CLIP2: variants seen among roughly 807,000 people sequenced by gnomAD.
CLIP2 encodes the protein CAP-Gly domain containing linker protein 2.
In CLIP2, 41 loss-of-function variants were observed where a neutral mutation model predicts 111.7. The observed-to-expected ratio is 0.37, with a 90% confidence interval of 0.29 to 0.48. The LOEUF is 0.48. Among genes scored for constraint, CLIP2 ranks in the 20% least tolerant of loss-of-function variants. The pLI is 0.99. For synonymous variants in CLIP2, 660 were observed against 644.2 expected (o/e 1.02, Z -0.37); for missense variants, 1,160 against 1,422.1 (o/e 0.82, Z 2.96).
At chr7:74,390,321 T>C (rs1791262672) in intron 13 of CLIP2, among the ~76,000 whole-genome samples, 1 of 152,140 alleles carries the variant, frequency 6.6e-6, no homozygotes, top group Admixed American at 6.6e-5. Flanking sequence ...GTTTATTCTA[T>C]ATTTACCATA....
intron 2 of CLIP2, among the ~76,000 whole-genome samples, chr7:74,326,870 T>C (rs1440367245): frequency 6.6e-6 from 1 of 151,820 alleles, no homozygotes; most frequent in African/African-American, 2.4e-5. Context: ...ACTCCTGACC[T>C]CGTGATCCGC....
intron 1 of CLIP2, among the ~76,000 whole-genome samples, chr7:74,304,594 C>A (rs1554727441): frequency 6.7e-6 from 1 of 148,824 alleles, no homozygotes; most frequent in East Asian, 2.0e-4. Flanking sequence ...GTTAGATATT[C>A]AAAGGAGTAG....
intron 8 of CLIP2, among the ~76,000 whole-genome samples, chr7:74,365,732 C>A (rs1790458875): frequency 6.6e-6 from 1 of 152,076 alleles, no homozygotes; most frequent in Admixed American, 6.6e-5. Context: ...TGACCAAAGT[C>A]CCACTCATCC....
chr7:74,307,224 G>A (rs782721252), intron 1 of CLIP2, among the ~76,000 whole-genome samples: 1 of 152,166 alleles, frequency 6.6e-6, no homozygotes. Flanking sequence ...GGTTTCCTTT[G>A]TGAGCCGTGG....
At chr7:74,371,468 G>C (rs1389641343) in intron 8 of CLIP2, among the ~76,000 whole-genome samples, 1 of 148,666 alleles carries the variant, frequency 6.7e-6, no homozygotes, top group Non-Finnish European at 1.5e-5. Flanking sequence ...TTCTGGAAGA[G>C]ACATGCTGAC....
intron 2 of CLIP2, among the ~76,000 whole-genome samples, chr7:74,336,289 A>G (rs1054887524): frequency 2.6e-5 from 4 of 151,722 alleles, no homozygotes; most frequent in Non-Finnish European, 4.4e-5. Flanking sequence ...GCTGGTCTCG[A>G]ACTCCTGACC....
At position 74,387,270 on chromosome 7, in the gene CLIP2, A is replaced by G. The variant is rs548534631; in HGVS notation, c.2563+666A>G. Among the ~76,000 whole-genome samples the G allele has an allele frequency of 1.1e-4, 17 of 151,962 alleles. No homozygotes were observed. In the East Asian group the frequency reaches 3.1e-3, roughly 28 times the overall value. On this transcript the variant is annotated intron_variant, in intron 12 of 16. Transcript: ENST00000223398. ...CTCTCTTTTTGCTTTTGTTTTTGAG[A>G]CAGGGTTGCACTCTGTCACCTAGGC...
chr7:74,293,765 G>C (rs1219741318), intron 1 of CLIP2, among the ~76,000 whole-genome samples: 1 of 152,202 alleles, frequency 6.6e-6, no homozygotes, highest in Non-Finnish European at 1.5e-5. Context: ...AGAGTGCACT[G>C]ATCAGGCCAG....
At chr7:74,392,773 G>A (rs782492063) in intron 13 of CLIP2, among the ~76,000 whole-genome samples, 2 of 151,646 alleles carry the variant, frequency 1.3e-5, no homozygotes, top group South Asian at 2.1e-4. Context: ...AGCCAAGATC[G>A]TGCCATTGCA....
intron 12 of CLIP2, chr7:74,388,837 T>C (rs899923944): frequency 2.1e-5 from 7 of 329,238 alleles, no homozygotes; most frequent in Admixed American, 4.9e-5. Context: ...ACTCCTGTAG[T>C]CCCAGCTACT....
rs782562882 is a variant in CLIP2 at position 74,389,104 on chromosome 7, G to A, written c.2565G>A (p.Ala855=). Residue 855 remains alanine (A), a splice_region_variant and synonymous_variant, in exon 13 of 17, where the codon GCG becomes GCA. Transcript: ENST00000223398. ...CCCTTCCCTGCCGGCTGACCCCAGCGCTGGAGAGCAAGTGTAAGTCAGGCG... is the reference window on the plus strand; with the variant it reads ...CCCTTCCCTGCCGGCTGACCCCAGCACTGGAGAGCAAGTGTAAGTCAGGCG... ...QTEMLRAQVS[A]LESKCKSGEK... The A allele has an allele frequency of 9.0e-5, 145 of 1,608,380 alleles. No individual in the cohort carries two copies. The highest frequency in any genetic ancestry group is 1.2e-4 in the Non-Finnish European group (137 of 1,177,786).
chr7:74,360,634 T>C (rs1049712514), intron 7 of CLIP2, among the ~76,000 whole-genome samples: 2 of 152,108 alleles, frequency 1.3e-5, no homozygotes, highest in Admixed American at 6.6e-5. Context: ...CACTGCAGCC[T>C]TGACCTCCAG....
At chr7:74,352,743 C>G (rs1195782110) in intron 3 of CLIP2, among the ~76,000 whole-genome samples, 1 of 148,780 alleles carries the variant, frequency 6.7e-6, no homozygotes, top group Non-Finnish European at 1.5e-5. Flanking sequence ...TGTGGTGATT[C>G]ACACCTATAA....
At chr7:74,314,171 C>T (rs546335008) in intron 1 of CLIP2, among the ~76,000 whole-genome samples, 6 of 111,280 alleles carry the variant, frequency 5.4e-5, no homozygotes, top group African/African-American at 1.7e-4. Flanking sequence ...GTCAAAGTGA[C>T]TCTGTCTCAA....
chr7:74,350,172 C>T (rs1348736345), intron 3 of CLIP2, among the ~76,000 whole-genome samples: 1 of 152,010 alleles, frequency 6.6e-6, no homozygotes, highest in Non-Finnish European at 1.5e-5. Flanking sequence ...TCATCTCAGC[C>T]TCCTGAGTAG....
In CLIP2 at chr7:74,356,415, T is replaced by A; in HGVS notation, c.809T>A (p.Phe270Tyr). The change falls in exon 5 of 17, where the codon TTC becomes TAC. Residue 270 changes from phenylalanine to tyrosine, a missense_variant. Coordinates refer to ENST00000223398, the MANE Select transcript of CLIP2 (RefSeq NM_003388.5). The stretch of plus-strand genomic sequence containing the variant: ...GGTCTCTCCTGCTTCCACAGGTACT[T>A]CCAGTGCCCACCCAAGTTTGGTCTC... ...NDGAVAGTRY[F>Y]QCPPKFGLFA... 6.2e-7 allele frequency: 1 copy of A among 1,614,154 alleles called. No homozygotes were observed. Among genetic ancestry groups the A allele is most frequent in the Non-Finnish European group, 8.5e-7 (1 of 1,180,030 alleles).
At chr7:74,385,808 TCTCTGCTCACCGCAAC>T (rs1791077236) in intron 11 of CLIP2, among the ~76,000 whole-genome samples, 1 of 149,774 alleles carries the variant, frequency 6.7e-6, no homozygotes, top group Non-Finnish European at 1.5e-5. Context: ...GATGGTGCGA[TCTCTGCTCACCGCAAC>T]CTCTGCCTCC....
At chr7:74,397,329 G>GAATGACCC in intron 14 of CLIP2, 96 bp downstream of exon 14, 1 of 1,296,552 alleles carries the variant, frequency 7.7e-7, no homozygotes, top group East Asian at 2.4e-5. Flanking sequence ...AGACCTCCTG[G>GAATGACCC]AATGACCCCA....
intron 11 of CLIP2, among the ~76,000 whole-genome samples, chr7:74,384,098 G>A (rs1554314404): frequency 6.6e-6 from 1 of 152,090 alleles, no homozygotes; most frequent in East Asian, 1.9e-4. Context: ...ATGAGGCAGA[G>A]AGAATCACTT....
Sources: allele counts gnomAD v4.1 joint callset (sites outside exome capture counted in the v4.1 genomes callset), GRCh38; gene constraint gnomAD v4.1.1; transcripts MANE v1.5; gene names NCBI Gene and HGNC (gene_info 2026-07-23, HGNC 2026-07-21).